SPTB: variants seen among roughly 807,000 people sequenced by gnomAD.
The protein encoded by SPTB is spectrin beta chain, erythrocytic.
SPTB carries 45 observed loss-of-function variants against 256.2 expected under a neutral mutation model. That is an observed-to-expected ratio of 0.18 (90% CI 0.14 to 0.23). The LOEUF is 0.23. Ranked by LOEUF, SPTB falls within the 10% of genes least tolerant of loss-of-function variation. The pLI, the probability that SPTB is intolerant of heterozygous loss-of-function variation, is 1.00. For synonymous variants in SPTB, 1,231 were observed against 1,243.1 expected, an observed-to-expected ratio of 0.99 and a Z score of 0.21; for missense variants, 2,715 against 3,040.4, an observed-to-expected ratio of 0.89 and a Z score of 2.52.
At chr14:64,868,007 T>C (rs1882295062) in intron 1 of SPTB, among the ~76,000 whole-genome samples, 1 of 151,124 alleles carries the variant, frequency 6.6e-6, no homozygotes, top group African/African-American at 2.4e-5. Context: ...GGCAAGATAA[T>C]GGAGAAGGAA....
Position 64,804,788 on chromosome 14 carries a change from C to T in SPTB, c.300+151G>A, listed in dbSNP as rs946984281. On this transcript the variant is annotated intron_variant, in intron 3 of 35. Coordinates refer to ENST00000644917, the MANE Select transcript of SPTB (RefSeq NM_001355436.2). The stretch of plus-strand genomic sequence containing the variant: ...GGAATTCAGAGAGACCAGTCAGCCA[C>T]ACGGATGCTTCCCATTCTAAGTATT... 41 of 1,022,686 alleles carry T rather than the reference C, an allele frequency of 4.0e-5. No homozygotes were observed. The Admixed American group carries it at 7.8e-4, about 20-fold the overall frequency. The allele number at this position is 1,022,686 out of a possible 1,614,324, so 63.4% of individuals were successfully genotyped here.
intron 1 of SPTB, among the ~76,000 whole-genome samples, chr14:64,832,464 G>A (rs950670343): frequency 2.0e-5 from 3 of 152,108 alleles, no homozygotes; most frequent in Admixed American, 2.0e-4. Flanking sequence ...ATGCTCCCAA[G>A]TTATCTCCTG....
At position 64,770,876 on chromosome 14, in the gene SPTB, T is replaced by C; in HGVS notation, c.5798+9A>G. 6.2e-7 allele frequency: 1 copy of C among 1,613,854 alleles called. No individual in the cohort carries two copies. Among genetic ancestry groups the C allele is most frequent in the Non-Finnish European group, 8.5e-7 (1 of 1,179,992 alleles). On this transcript the variant is annotated intron_variant, in intron 27 of 35. Transcript: ENST00000644917. ...GGAGCTGCCTCTGCCTCAAGGACAC[T>C]CCCCTCACCTGGGCCTCTCCTGGGT...
At chr14:64,867,803 G>A (rs374061721) in intron 1 of SPTB, among the ~76,000 whole-genome samples, 5 of 148,346 alleles carry the variant, frequency 3.4e-5, no homozygotes, top group Admixed American at 2.0e-4. Context: ...GTAGTGAGCC[G>A]AGATCATGCC....
intron 1 of SPTB, among the ~76,000 whole-genome samples, chr14:64,874,637 C>G (rs1882720684): frequency 6.6e-6 from 1 of 152,190 alleles, no homozygotes; most frequent in Non-Finnish European, 1.5e-5. Flanking sequence ...AAAAGAGGGA[C>G]AGAATAAGGT....
chr14:64,826,242 A>G lies in SPTB; in HGVS notation c.-51-3097T>C, dbSNP rs1240640942. 6.6e-6 allele frequency among the ~76,000 whole-genome samples: 1 copy of G among 152,230 alleles called. No individual in the cohort carries two copies. Among genetic ancestry groups the G allele is most frequent in the East Asian group, 1.9e-4 (1 of 5,196 alleles). ...GAGAACAGGAAAGCTACAGATAGTT[A>G]ACAAAAAGCAAACACGAAGATATGC... On this transcript the variant is annotated intron_variant, in intron 1 of 35. Coordinates refer to ENST00000644917, the MANE Select transcript of SPTB (RefSeq NM_001355436.2). This position sits in a 1 kb window ranked among gnomAD's most constrained non-coding sequence, Gnocchi z 4.4.
chr14:64,811,686 T>A (rs2083093648), intron 2 of SPTB, among the ~76,000 whole-genome samples: 1 of 152,238 alleles, frequency 6.6e-6, no homozygotes, highest in Admixed American at 6.5e-5. Context: ...TAGGTGATAA[T>A]GTAATGACCC....
rs2082741012 is a variant in SPTB, at chr14:64,795,067, C to T, written c.1644+270G>A. Among the ~76,000 whole-genome samples, 1 of 152,132 alleles carries T rather than the reference C, an allele frequency of 6.6e-6. No homozygotes were observed. The highest frequency in any genetic ancestry group is 6.5e-5 in the Admixed American group (1 of 15,286). On this transcript the variant is annotated intron_variant, in intron 12 of 35. Transcript: ENST00000644917. This position sits in a 1 kb window ranked among gnomAD's most constrained non-coding sequence, Gnocchi z 6.5. Reference sequence around the variant, plus strand: ...TGATTAATGTCTGTCTCTTCAAGGCCCTGAAGGTTGGCACCGGTGCTGCCA... The same window carrying T: ...TGATTAATGTCTGTCTCTTCAAGGCTCTGAAGGTTGGCACCGGTGCTGCCA...
intron 19 of SPTB, among the ~76,000 whole-genome samples, chr14:64,783,893 C>T (rs2082515704): frequency 6.6e-6 from 1 of 152,196 alleles, no homozygotes; most frequent in African/African-American, 2.4e-5. Context: ...ATCATCTTGC[C>T]TATTCCTCCA....
chr14:64,793,673 C>A lies in SPTB; in HGVS notation c.1990G>T (p.Asp664Tyr), dbSNP rs141730908. 3.1e-6 allele frequency: 5 copies of A among 1,614,032 alleles called. No homozygotes were observed. Among genetic ancestry groups the A allele is most frequent in the Non-Finnish European group, 4.2e-6 (5 of 1,180,060 alleles). ...KEKEQIYSSL[D>Y]YGKDLTSVLI... ...ACACTGGTCAGGTCTTTGCCATAGT[C>A]CAGGGAAGAATAGATCTGCTCCTTC... The change falls in exon 14 of 36, where the codon GAC becomes TAC. Residue 664 changes from aspartate to tyrosine, a missense_variant. Around this residue, in one of 4 missense-constraint regions of SPTB, gnomAD observed 2,239 missense variants for 2,384.4 expected, o/e 0.94. Coordinates refer to ENST00000644917, the MANE Select transcript of SPTB (RefSeq NM_001355436.2). This position sits in a 1 kb window ranked among gnomAD's most constrained non-coding sequence, Gnocchi z 7.0.
In SPTB at chr14:64,785,152, A is replaced by G. The variant is rs1040463542; in HGVS notation, c.3855+385T>C. ...AAAATGGAGTTGTTCAAAAGCATGA[A>G]GAATTTCAAGATGGCAAGAGTAGAG... On this transcript the variant is annotated intron_variant, in intron 18 of 35. Coordinates refer to ENST00000644917, the MANE Select transcript of SPTB (RefSeq NM_001355436.2). The surrounding 1 kb of genome is among the most constrained non-coding windows in gnomAD (Gnocchi z 4.4). Among the ~76,000 whole-genome samples, 1 of 152,238 alleles carries G rather than the reference A, an allele frequency of 6.6e-6. No homozygotes were observed. Among genetic ancestry groups the G allele is most frequent in the African/African-American group, 2.4e-5 (1 of 41,460 alleles).
At chr14:64,801,483 T>C in intron 6 of SPTB, 83 bp from the exon 7 acceptor site, 1 of 1,058,514 alleles carries the variant, frequency 9.4e-7, no homozygotes, top group South Asian at 1.3e-5. Context: ...GCAGACATTG[T>C]ACAGAGGCAG....
intron 1 of SPTB, among the ~76,000 whole-genome samples, chr14:64,860,441 G>A (rs2083949265): frequency 6.6e-6 from 1 of 152,172 alleles, no homozygotes; most frequent in Non-Finnish European, 1.5e-5. Flanking sequence ...GGACCTGAGA[G>A]GGCAGGGCTC....
At chr14:64,814,024 A>C (rs1245897918) in intron 2 of SPTB, among the ~76,000 whole-genome samples, 2 of 152,236 alleles carry the variant, frequency 1.3e-5, no homozygotes, top group Non-Finnish European at 2.9e-5. Flanking sequence ...GGTTTTGTGA[A>C]CAGCGATTTC....
At chr14:64,818,787 G>A (rs1235940807) in intron 2 of SPTB, among the ~76,000 whole-genome samples, 7 of 152,158 alleles carry the variant, frequency 4.6e-5, no homozygotes, top group Non-Finnish European at 7.4e-5. Flanking sequence ...TCTAGGAGAT[G>A]GGGGGAGCCT....
chr14:64,766,553 C>T, intron 32 of SPTB, 173 bp downstream of exon 32: 1 of 1,556,194 alleles, frequency 6.4e-7, no homozygotes, highest in Non-Finnish European at 8.7e-7. Flanking sequence ...TGAAGAACAC[C>T]TCAGTGAGGA....
chr14:64,805,361 T>A (rs1404678718), intron 2 of SPTB, among the ~76,000 whole-genome samples: 5 of 152,128 alleles, frequency 3.3e-5, no homozygotes, highest in Admixed American at 2.6e-4. Context: ...AGCATCTGTT[T>A]CCCTGTATCA....
rs1035390905 is a variant in SPTB, at chr14:64,847,477, A to C, written c.-51-24332T>G. 3.3e-5 allele frequency among the ~76,000 whole-genome samples: 5 copies of C among 151,466 alleles called. No homozygotes were observed. Among genetic ancestry groups the C allele is most frequent in the Non-Finnish European group, 5.9e-5 (4 of 67,800 alleles). Reference sequence around the variant, plus strand: ...TAGACGTGTAGGGAAAAGCCTATTTATCTATCCTTCAGGTACCTTCCCAGG... The same window carrying C: ...TAGACGTGTAGGGAAAAGCCTATTTCTCTATCCTTCAGGTACCTTCCCAGG... On this transcript the variant is annotated intron_variant, in intron 1 of 35. Coordinates refer to ENST00000644917, the MANE Select transcript of SPTB (RefSeq NM_001355436.2). The surrounding 1 kb of genome is among the most constrained non-coding windows in gnomAD (Gnocchi z 5.9).
chr14:64,859,465 C>T (rs940690300), intron 1 of SPTB, among the ~76,000 whole-genome samples: 3 of 152,112 alleles, frequency 2.0e-5, no homozygotes, highest in Non-Finnish European at 2.9e-5. Flanking sequence ...TAGCAATTGG[C>T]CAGCCGTGGT....
Sources: gnomAD v4.1 joint callset for allele counts (sites outside exome capture counted in the v4.1 genomes callset) on GRCh38, gnomAD v4.1.1 for gene constraint, gnomAD v4.1.1 regional missense constraint, Gnocchi (gnomAD v3.1) non-coding constraint, MANE v1.5 for transcripts, NCBI Gene and HGNC (gene_info 2026-07-23, HGNC 2026-07-21) for gene names.